The following EIF2B3 variants were observed in gnomAD, a reference collection of about 807,000 sequenced individuals.
The protein encoded by EIF2B3 is translation initiation factor eIF2B subunit gamma.
EIF2B3 carries 20 observed loss-of-function variants against 54.1 expected under a neutral mutation model. That is an observed-to-expected ratio of 0.37 (90% CI 0.26 to 0.54). The LOEUF (loss-of-function observed/expected upper bound fraction) is 0.54, where lower values mean the gene tolerates loss of function less well. Among genes scored for constraint, EIF2B3 ranks in the 20% least tolerant of loss-of-function variants. The probability of loss-of-function intolerance (pLI) is 0.86; values close to 1 mark genes in which losing one functional copy is unlikely to be tolerated. For missense variants in EIF2B3, 448 were observed against 547.8 expected, an observed-to-expected ratio of 0.82 and a Z score of 1.82; for synonymous variants, 153 against 188.1, an observed-to-expected ratio of 0.81 and a Z score of 1.52.
At position 44,943,585 on chromosome 1, in the gene EIF2B3, AATTTTT is replaced by A. The variant is rs1224671683; in HGVS notation, c.295-1926_295-1921del. 3.3e-5 allele frequency among the ~76,000 whole-genome samples: 5 copies of A among 151,194 alleles called. No homozygotes were observed. In the East Asian group the frequency reaches 1.0e-3, roughly 30 times the overall value. ...CAGGCGTGCCCCACCACACCTGGCT[AATTTTT>A]ATTTTTATTTTTAGTAGAGACAGGG... is the stretch of plus-strand genomic sequence containing the variant. On this transcript the variant is annotated intron_variant, in intron 3 of 11. Coordinates refer to ENST00000360403, the MANE Select transcript of EIF2B3 (RefSeq NM_020365.5).
intron 1 of EIF2B3, among the ~76,000 whole-genome samples, chr1:44,985,805 C>G (rs364482): frequency 6.6e-6 from 1 of 152,036 alleles, no homozygotes; most frequent in Non-Finnish European, 1.5e-5. Flanking sequence ...CTCGCTGCCT[C>G]CCAAGCTTTG....
At position 44,926,614 on chromosome 1, in the gene EIF2B3, A is replaced by T. The variant is rs1325320327; in HGVS notation, c.566+14T>A. On this transcript the variant is annotated intron_variant, in intron 5 of 11. Transcript: ENST00000360403. ...ACAAGGAGAATTGCCAGAAGAAAAA[A>T]CCCTAGGGCTTACTTCTGTAGGATG... The T allele has an allele frequency of 8.1e-6, 13 of 1,605,504 alleles. No homozygotes were observed. Among genetic ancestry groups the T allele is most frequent in the Non-Finnish European group, 1.0e-5 (12 of 1,172,812 alleles).
chr1:44,888,652 A>G (rs1655687826), intron 6 of EIF2B3, among the ~76,000 whole-genome samples: 1 of 152,238 alleles, frequency 6.6e-6, no homozygotes, highest in South Asian at 2.1e-4. Context: ...TCTGTCATAA[A>G]GAAGGGTACC....
chr1:44,976,073 G>A (rs546454090), intron 3 of EIF2B3, among the ~76,000 whole-genome samples: 4 of 152,126 alleles, frequency 2.6e-5, no homozygotes, highest in African/African-American at 7.2e-5. Flanking sequence ...TTCTTAGGCC[G>A]GACACAAAAA....
At chr1:44,984,797 C>CTTTTTTTTTT (rs71040529) in intron 1 of EIF2B3, among the ~76,000 whole-genome samples, 6,274 of 88,346 alleles carry the variant, frequency 0.071, 986 homozygotes, top group East Asian at 0.11. Flanking sequence ...TAATGTCCAT[C>CTTTTTTTTTT]TTTTTTTTTT....
chr1:44,867,648 G>A (rs552653250), intron 10 of EIF2B3, among the ~76,000 whole-genome samples: 4 of 152,134 alleles, frequency 2.6e-5, no homozygotes, highest in East Asian at 1.9e-4. Flanking sequence ...CAGGTTTGCC[G>A]TAAGTAATTA....
At chr1:44,981,886 G>A (rs12063958) in intron 1 of EIF2B3, among the ~76,000 whole-genome samples, 9,331 of 144,916 alleles carry the variant, frequency 0.064, 1,022 homozygotes, top group African/African-American at 0.23. Flanking sequence ...GCAGTGAGCC[G>A]AGATTGAGAT....
At chr1:44,961,341 C>T (rs987428770) in intron 3 of EIF2B3, among the ~76,000 whole-genome samples, 32 of 147,584 alleles carry the variant, frequency 2.2e-4, no homozygotes, top group Non-Finnish European at 3.7e-4. Flanking sequence ...AAAAAAGTCT[C>T]CATTAACTGA....
At position 44,902,829 on chromosome 1, in the gene EIF2B3, TAA is replaced by T. The variant is rs11458839; in HGVS notation, c.567-5387_567-5386del. Among the ~76,000 whole-genome samples the T allele has an allele frequency of 9.7e-4, 83 of 85,462 alleles. 1 individual carries two copies. The highest frequency in any genetic ancestry group is 2.5e-3 in the East Asian group (6 of 2,410). 56.1% of individuals were successfully genotyped at this position (85,462 alleles called of 152,430 possible). A position where few individuals can be genotyped will look rare whatever the true frequency, so the allele number is the denominator to read the frequency against. The stretch of plus-strand genomic sequence containing the variant: ...GGCAACAGAAAAGAGACTCTTTCTT[TAA>T]AAAAAAAAAAAAAAAAAAAAAAAAA... On this transcript the variant is annotated intron_variant, in intron 5 of 11. Transcript: ENST00000360403.
At chr1:44,865,299 C>A (rs549879462) in intron 10 of EIF2B3, among the ~76,000 whole-genome samples, 2 of 151,664 alleles carry the variant, frequency 1.3e-5, no homozygotes, top group South Asian at 2.1e-4. Flanking sequence ...GTTCTGCATG[C>A]CTTGGTATTT....
intron 3 of EIF2B3, among the ~76,000 whole-genome samples, chr1:44,968,063 TA>T (rs1243030672): frequency 6.7e-6 from 1 of 148,314 alleles, no homozygotes; most frequent in Non-Finnish European, 1.5e-5. Context: ...AAAATAAAAA[TA>T]AAAATATAAA....
At chr1:44,921,323 C>T (rs1290884671) in intron 5 of EIF2B3, among the ~76,000 whole-genome samples, 1 of 152,134 alleles carries the variant, frequency 6.6e-6, no homozygotes, top group African/African-American at 2.4e-5. Context: ...CAAATATTTT[C>T]TCTCATTCTG....
intron 8 of EIF2B3, among the ~76,000 whole-genome samples, chr1:44,877,666 C>T (rs551223496): frequency 1.3e-5 from 2 of 152,342 alleles, no homozygotes; most frequent in South Asian, 4.1e-4. Flanking sequence ...GGGAAGTTCA[C>T]ACTATTCCCT....
intron 5 of EIF2B3, among the ~76,000 whole-genome samples, chr1:44,902,041 C>T (rs1253862728): frequency 6.6e-6 from 1 of 152,108 alleles, no homozygotes; most frequent in Non-Finnish European, 1.5e-5. Context: ...TGTTCTAGCA[C>T]AATTTGTGTA....
At chr1:44,901,479 G>A (rs931981916) in intron 5 of EIF2B3, among the ~76,000 whole-genome samples, 3 of 151,434 alleles carry the variant, frequency 2.0e-5, no homozygotes, top group Non-Finnish European at 1.5e-5. Context: ...TCAAACTCCT[G>A]GCCCCAAGCG....
chr1:44,963,810 A>G (rs542637724), intron 3 of EIF2B3, among the ~76,000 whole-genome samples: 2 of 152,332 alleles, frequency 1.3e-5, no homozygotes, highest in East Asian at 3.9e-4. Context: ...CCAATGATGC[A>G]GTAAGTTTGT....
In EIF2B3 at chr1:44,875,629, T is replaced by C. The variant is rs1655098540; in HGVS notation, c.1042A>G (p.Ser348Gly). 1.2e-6 allele frequency: 2 copies of C among 1,614,184 alleles called. No homozygotes were observed. Among genetic ancestry groups the C allele is most frequent in the Non-Finnish European group, 1.7e-6 (2 of 1,180,016 alleles). Residue 348 changes from serine (S) to glycine (G), a missense_variant, in exon 9 of 12, where the codon AGC becomes GGC. Coordinates refer to ENST00000360403, the MANE Select transcript of EIF2B3 (RefSeq NM_020365.5). ...ACACTAGCACTTACCAGGTGTTTGC[T>C]GACAATCTGGGCTGACGAATGGACT... ...PPVHSSAQIV[S>G]KHLVGVDSLI... is the part of the protein sequence containing the mutation.
At chr1:44,870,918 G>A (rs1226031891) in intron 10 of EIF2B3, among the ~76,000 whole-genome samples, 1 of 152,060 alleles carries the variant, frequency 6.6e-6, no homozygotes, top group Middle Eastern at 3.2e-3. Context: ...AAAGTGCTGG[G>A]ACTACAGGCA....
In EIF2B3 at chr1:44,986,509, G is replaced by C. The variant is rs112398574; in HGVS notation, c.-26C>G. 391 of 152,580 alleles carry C rather than the reference G, an allele frequency of 2.6e-3. 2 individuals carry two copies. Among genetic ancestry groups the C allele is most frequent in the Admixed American group, 5.5e-3 (84 of 15,300 alleles). 9.5% of individuals were successfully genotyped at this position (152,580 alleles called of 1,614,324 possible). A position where few individuals can be genotyped will look rare whatever the true frequency, so the allele number is the denominator to read the frequency against. ...ACTGCTCACCCGGGTCAGCCAGCTT[G>C]TGTGCGGCCTGGCAGGGCAGAAGTC... On this transcript the variant is annotated 5_prime_UTR_variant, in exon 1 of 12. Transcript: ENST00000360403.
Sources: gnomAD v4.1 joint callset for allele counts (sites outside exome capture counted in the v4.1 genomes callset) on GRCh38, gnomAD v4.1.1 for gene constraint, MANE v1.5 for transcripts, NCBI Gene and HGNC (gene_info 2026-07-23, HGNC 2026-07-21) for gene names.